The following PTPRD variants were observed in gnomAD, a reference collection of about 807,000 sequenced individuals.
The protein encoded by PTPRD is receptor-type tyrosine-protein phosphatase delta.
A neutral mutation model predicts 214.5 loss-of-function variants in PTPRD; 34 were observed. The ratio of observed to expected loss-of-function variants is 0.16; its 90% CI spans 0.12 to 0.21. PTPRD has a LOEUF of 0.21. Ranked by LOEUF, PTPRD falls within the 10% of genes least tolerant of loss-of-function variation. The probability of loss-of-function intolerance (pLI) is 1.00; values close to 1 mark genes in which losing one functional copy is unlikely to be tolerated. For missense variants in PTPRD, 2,545 were observed against 2,398.7 expected (o/e 1.06, Z -1.27); for synonymous variants, 1,128 against 845.7 (o/e 1.33, Z -5.79).
intron 3 of PTPRD, among the ~76,000 whole-genome samples, chr9:10,071,691 A>G (rs1567490463): frequency 6.6e-6 from 1 of 152,040 alleles, no homozygotes; most frequent in Non-Finnish European, 1.5e-5. Context: ...AGAATAAAAC[A>G]TGAGAAAAAT....
At chr9:9,008,671 A>C (rs2099493747) in intron 11 of PTPRD, among the ~76,000 whole-genome samples, 1 of 152,180 alleles carries the variant, frequency 6.6e-6, no homozygotes, top group African/African-American at 2.4e-5. Flanking sequence ...ATCAAACAGT[A>C]GAATTCTGGG....
intron 3 of PTPRD, among the ~76,000 whole-genome samples, chr9:10,131,117 C>T (rs546105820): frequency 7.9e-5 from 12 of 152,092 alleles, no homozygotes; most frequent in Non-Finnish European, 1.6e-4. Context: ...AGAAAACTGG[C>T]TGTGCTTTCT....
intron 8 of PTPRD, among the ~76,000 whole-genome samples, chr9:9,543,535 T>A (rs2078082407): frequency 6.6e-6 from 1 of 151,618 alleles, no homozygotes; most frequent in South Asian, 2.1e-4. Context: ...GACTTAAGAT[T>A]TACTAAGTTT....
intron 33 of PTPRD, among the ~76,000 whole-genome samples, chr9:8,450,684 CATT>C (rs1426053451): frequency 1.3e-5 from 2 of 152,192 alleles, no homozygotes; most frequent in African/African-American, 2.4e-5. Context: ...TTTAAGCTCT[CATT>C]ATGTAATTTT....
intron 27 of PTPRD, 77 bp downstream of exon 27, chr9:8,492,784 AG>A (rs2097178070): frequency 1.0e-6 from 1 of 988,510 alleles, no homozygotes; most frequent in African/African-American, 1.6e-5. Flanking sequence ...CTATAATAAA[AG>A]CCTGCTAGAA....
At chr9:9,294,304 C>A (rs1412885) in intron 9 of PTPRD, among the ~76,000 whole-genome samples, 1 of 151,716 alleles carries the variant, frequency 6.6e-6, no homozygotes, top group South Asian at 2.1e-4. Flanking sequence ...GAGTACTGTA[C>A]ACTAACCTGT....
chr9:8,659,359 A>C (rs541686774), intron 12 of PTPRD, among the ~76,000 whole-genome samples: 9 of 152,354 alleles, frequency 5.9e-5, no homozygotes, highest in Non-Finnish European at 1.3e-4. Context: ...AAGACAAGGC[A>C]ACAATTCCAT....
intron 10 of PTPRD, among the ~76,000 whole-genome samples, chr9:9,138,107 A>G (rs10118349): frequency 6.6e-6 from 1 of 152,092 alleles, no homozygotes; most frequent in African/African-American, 2.4e-5. Context: ...ACCAGAGCAG[A>G]TGAATAATAC....
chr9:10,567,501 T>C (rs1329391972), intron 2 of PTPRD, among the ~76,000 whole-genome samples: 1 of 152,104 alleles, frequency 6.6e-6, no homozygotes, highest in Non-Finnish European at 1.5e-5. Context: ...GTGACCTTAT[T>C]TTGAAAGACA....
Position 9,347,979 on chromosome 9 carries a change from A to C in PTPRD, c.-203+49470T>G, listed in dbSNP as rs568489693. Among the ~76,000 whole-genome samples the C allele has an allele frequency of 1.6e-3, 246 of 152,310 alleles. 1 individual carries two copies. Among genetic ancestry groups the C allele is most frequent in the African/African-American group, 5.8e-3 (240 of 41,592 alleles). The stretch of plus-strand genomic sequence containing the variant: ...ATTACTGCCTATAAAGTGACCAAAA[A>C]AAATCAGAGAGTATGTCACCAAATT... On this transcript the variant is annotated intron_variant, in intron 9 of 45. Coordinates refer to ENST00000381196, the MANE Select transcript of PTPRD (RefSeq NM_002839.4).
intron 9 of PTPRD, among the ~76,000 whole-genome samples, chr9:9,233,293 G>A (rs576062171): frequency 3.4e-4 from 51 of 152,124 alleles, no homozygotes; most frequent in East Asian, 1.4e-3. Flanking sequence ...ATCAGATTTC[G>A]TGAGATCTCA....
intron 8 of PTPRD, among the ~76,000 whole-genome samples, chr9:9,424,883 C>G (rs2080225218): frequency 6.6e-6 from 1 of 152,112 alleles, no homozygotes; most frequent in African/African-American, 2.4e-5. Context: ...AAGAAGGTCA[C>G]CAACAATTTC....
At position 9,448,952 on chromosome 9, in the gene PTPRD, T is replaced by G. The variant is rs559257214; in HGVS notation, c.-236-51470A>C. Among the ~76,000 whole-genome samples the G allele has an allele frequency of 7.2e-4, 110 of 152,204 alleles. 1 individual carries two copies. Among genetic ancestry groups the G allele is most frequent in the Middle Eastern group, 3.4e-3 (1 of 294 alleles). On this transcript the variant is annotated intron_variant, in intron 8 of 45. Coordinates refer to ENST00000381196, the MANE Select transcript of PTPRD (RefSeq NM_002839.4). ...TGTTGTATCTAAAAAATGTTAGTTA[T>G]TTGCACAGATGTCTGCTCTCTCTGA... is the stretch of plus-strand genomic sequence containing the variant.
intron 11 of PTPRD, among the ~76,000 whole-genome samples, chr9:8,974,198 T>G (rs2099255316): frequency 6.6e-6 from 1 of 152,244 alleles, no homozygotes; most frequent in South Asian, 2.1e-4. Flanking sequence ...ATTTAAATCT[T>G]TAACCCATTC....
chr9:9,721,504 T>G (rs892218031), intron 7 of PTPRD, among the ~76,000 whole-genome samples: 5 of 152,176 alleles, frequency 3.3e-5, no homozygotes, highest in Non-Finnish European at 7.4e-5. Context: ...TTTGACCTAT[T>G]TTCCACTATG....
chr9:8,716,993 C>A (rs1258768033), intron 12 of PTPRD, among the ~76,000 whole-genome samples: 1 of 152,096 alleles, frequency 6.6e-6, no homozygotes, highest in East Asian at 1.9e-4. Flanking sequence ...TGGCAAAACC[C>A]CTTGTCTACA....
At chr9:10,419,924 C>T (rs1022529569) in intron 2 of PTPRD, among the ~76,000 whole-genome samples, 6 of 151,732 alleles carry the variant, frequency 4.0e-5, no homozygotes, top group African/African-American at 1.4e-4. Flanking sequence ...GAAACCCCCA[C>T]ACTAGAAAGC....
intron 34 of PTPRD, among the ~76,000 whole-genome samples, chr9:8,445,375 A>G (rs2095684790): frequency 6.6e-6 from 1 of 152,184 alleles, no homozygotes; most frequent in Non-Finnish European, 1.5e-5. Context: ...CTTACAATCA[A>G]TCATGCAAAA....
At chr9:9,177,313 C>A (rs2099925500) in intron 10 of PTPRD, among the ~76,000 whole-genome samples, 2 of 151,992 alleles carry the variant, frequency 1.3e-5, no homozygotes, top group African/African-American at 4.8e-5. Context: ...CTGGCCTCTC[C>A]CTTGACATGT....
Sources: allele counts gnomAD v4.1 joint callset (sites outside exome capture counted in the v4.1 genomes callset), GRCh38; gene constraint gnomAD v4.1.1; transcripts MANE v1.5; gene names NCBI Gene and HGNC (gene_info 2026-07-23, HGNC 2026-07-21).